SPOCK3: variants seen among roughly 807,000 people sequenced by gnomAD.
The protein encoded by SPOCK3 is testican-3.
SPOCK3 carries 30 observed loss-of-function variants against 56.6 expected under a neutral mutation model. That is an observed-to-expected ratio of 0.53 (90% CI 0.40 to 0.72). The LOEUF is 0.72. SPOCK3 is among the 30% of genes least tolerant of loss of function. The pLI, the probability that SPOCK3 is intolerant of heterozygous loss-of-function variation, is 0.00. For missense variants in SPOCK3, 527 were observed against 530.0 expected (o/e 0.99, Z 0.06); for synonymous variants, 196 against 183.3 (o/e 1.07, Z -0.56).
intron 2 of SPOCK3, among the ~76,000 whole-genome samples, chr4:167,185,554 A>G (rs1361933483): frequency 6.6e-6 from 1 of 152,112 alleles, no homozygotes; most frequent in Non-Finnish European, 1.5e-5. Flanking sequence ...CCATGGCCAT[A>G]AGTCAAGTTT....
At chr4:167,179,901 A>C (rs2110742240) in intron 2 of SPOCK3, among the ~76,000 whole-genome samples, 1 of 152,278 alleles carries the variant, frequency 6.6e-6, no homozygotes, top group South Asian at 2.1e-4. Flanking sequence ...TCAAAATATA[A>C]TGGTGAGAAT....
At chr4:167,186,550 C>G (rs962878208) in intron 2 of SPOCK3, among the ~76,000 whole-genome samples, 1 of 151,726 alleles carries the variant, frequency 6.6e-6, no homozygotes, top group South Asian at 2.1e-4. Context: ...TCATTTGAAC[C>G]CAGGAGGCGG....
intron 2 of SPOCK3, among the ~76,000 whole-genome samples, chr4:167,081,916 A>G (rs958386451): frequency 1.3e-5 from 2 of 152,066 alleles, no homozygotes; most frequent in Non-Finnish European, 2.9e-5. Flanking sequence ...ATGGCATTTC[A>G]TTCCAGCCTT....
chr4:166,781,730 C>A, intron 7 of SPOCK3, among the ~76,000 whole-genome samples: 1 of 151,900 alleles, frequency 6.6e-6, no homozygotes, highest in African/African-American at 2.4e-5. Context: ...AATCTAGATG[C>A]ACCATCGTCA....
chr4:167,125,520 T>C (rs959643859), intron 2 of SPOCK3, among the ~76,000 whole-genome samples: 121 of 151,482 alleles, frequency 8.0e-4, no homozygotes, highest in Non-Finnish European at 1.3e-3. Flanking sequence ...GAGACCATCC[T>C]GGCTAACACG....
intron 2 of SPOCK3, among the ~76,000 whole-genome samples, chr4:167,110,584 C>A (rs1173638647): frequency 6.6e-6 from 1 of 151,918 alleles, no homozygotes; most frequent in Non-Finnish European, 1.5e-5. Flanking sequence ...GGGAAGAATT[C>A]ATCAAAGAAA....
intron 6 of SPOCK3, among the ~76,000 whole-genome samples, chr4:166,873,359 T>G (rs773411771): frequency 1.3e-5 from 2 of 152,236 alleles, no homozygotes; most frequent in South Asian, 2.1e-4. Context: ...GCCCATAATA[T>G]GTACAATAAC....
chr4:167,099,875 G>A (rs567266672), intron 2 of SPOCK3, among the ~76,000 whole-genome samples: 4 of 151,970 alleles, frequency 2.6e-5, no homozygotes, highest in South Asian at 2.1e-4. Context: ...CTATTCAAAC[G>A]CATCTTGGTA....
intron 2 of SPOCK3, among the ~76,000 whole-genome samples, chr4:167,131,657 T>A (rs985869555): frequency 6.6e-6 from 1 of 152,144 alleles, no homozygotes; most frequent in Non-Finnish European, 1.5e-5. Context: ...AGTATACAGA[T>A]AACAGTCCTA....
intron 6 of SPOCK3, among the ~76,000 whole-genome samples, chr4:166,853,896 A>T (rs1047917999): frequency 1.3e-5 from 2 of 152,130 alleles, no homozygotes; most frequent in African/African-American, 4.8e-5. Context: ...AAAAAAAGAA[A>T]AAAAGATGGT....
At position 167,207,382 on chromosome 4, in the gene SPOCK3, C is replaced by G. The variant is rs187289887; in HGVS notation, c.189+26603G>C. On this transcript the variant is annotated intron_variant, in intron 2 of 10. Coordinates refer to ENST00000357545, the MANE Select transcript of SPOCK3 (RefSeq NM_001040159.2). ...TTATTTTAGAAAGATTATATATTAA[C>G]AGAATACTGTCTAACTTTCTAATAA... Among the ~76,000 whole-genome samples the G allele has an allele frequency of 5.1e-4, 77 of 151,808 alleles. 1 individual carries two copies. The highest frequency in any genetic ancestry group is 1.0e-3 in the Non-Finnish European group (71 of 67,898).
intron 4 of SPOCK3, among the ~76,000 whole-genome samples, chr4:166,952,063 G>C (rs770749356): frequency 1.3e-5 from 2 of 152,168 alleles, no homozygotes; most frequent in African/African-American, 2.4e-5. Flanking sequence ...ATTCAACATA[G>C]TGTTGGAGAT....
chr4:167,080,160 A>G (rs1015478145), intron 2 of SPOCK3, among the ~76,000 whole-genome samples: 2 of 152,132 alleles, frequency 1.3e-5, no homozygotes, highest in Middle Eastern at 3.4e-3. Context: ...TTAGAACTCT[A>G]TATGTCCCTA....
intron 3 of SPOCK3, among the ~76,000 whole-genome samples, chr4:167,015,034 C>A (rs1410303437): frequency 6.6e-6 from 1 of 151,732 alleles, no homozygotes; most frequent in Non-Finnish European, 1.5e-5. Flanking sequence ...TTCAGGACAA[C>A]AAAACCATGC....
intron 2 of SPOCK3, among the ~76,000 whole-genome samples, chr4:167,172,101 C>T (rs1428545030): frequency 6.6e-6 from 1 of 152,118 alleles, no homozygotes; most frequent in Admixed American, 6.6e-5. Flanking sequence ...GCAGTCTGTG[C>T]AGGCCAGCCT....
chr4:167,211,693 T>C (rs1424210551), intron 2 of SPOCK3, among the ~76,000 whole-genome samples: 1 of 152,104 alleles, frequency 6.6e-6, no homozygotes, highest in African/African-American at 2.4e-5. Context: ...GATTGTGAGG[T>C]CTCTCAGCCA....
At chr4:167,117,252 C>T (rs867751054) in intron 2 of SPOCK3, among the ~76,000 whole-genome samples, 18 of 152,004 alleles carry the variant, frequency 1.2e-4, no homozygotes, top group Admixed American at 2.0e-4. Flanking sequence ...GGAACATCAG[C>T]ACAATATGTA....
At chr4:166,881,590 T>C (rs1733696736) in intron 6 of SPOCK3, among the ~76,000 whole-genome samples, 1 of 152,150 alleles carries the variant, frequency 6.6e-6, no homozygotes, top group Non-Finnish European at 1.5e-5. Flanking sequence ...AATTTTTTCC[T>C]ATTTCTGAAA....
chr4:166,922,864 A>C (rs1200008277), intron 4 of SPOCK3, among the ~76,000 whole-genome samples: 1 of 152,210 alleles, frequency 6.6e-6, no homozygotes, highest in African/African-American at 2.4e-5. Context: ...CCTCTGTGCA[A>C]TTTGCCCAAT....
Sources: allele counts gnomAD v4.1 joint callset (sites outside exome capture counted in the v4.1 genomes callset), GRCh38; gene constraint gnomAD v4.1.1; transcripts MANE v1.5; gene names NCBI Gene and HGNC (gene_info 2026-07-23, HGNC 2026-07-21).